Variants in TDRD3 observed in about 807,000 individuals in gnomAD.
TDRD3 encodes tudor domain-containing protein 3.
TDRD3 carries 45 observed loss-of-function variants against 86.7 expected under a neutral mutation model. That is an observed-to-expected ratio of 0.52 (90% CI 0.41 to 0.67). The LOEUF is 0.67. Ranked by LOEUF, TDRD3 falls within the 30% of genes least tolerant of loss-of-function variation. The probability of loss-of-function intolerance (pLI) is 0.00; values close to 1 mark genes in which losing one functional copy is unlikely to be tolerated. For missense variants in TDRD3, 814 were observed against 889.0 expected, an observed-to-expected ratio of 0.92 and a Z score of 1.07; for synonymous variants, 298 against 301.7, an observed-to-expected ratio of 0.99 and a Z score of 0.13.
At chr13:60,571,623 CAGTA>C (rs1042845356) in intron 13 of TDRD3, among the ~76,000 whole-genome samples, 3 of 152,162 alleles carry the variant, frequency 2.0e-5, no homozygotes, top group Admixed American at 6.5e-5. Flanking sequence ...GGTAGCTGTT[CAGTA>C]AGTGTTTATT....
chr13:60,396,992 C>T, upstream of TDRD3: 1 of 171,294 alleles, frequency 5.8e-6, no homozygotes, highest in Non-Finnish European at 1.2e-5. Context: ...TACGAAGAAC[C>T]TCCTCGCGAC....
intron 5 of TDRD3, among the ~76,000 whole-genome samples, chr13:60,474,967 T>C (rs957236087): frequency 6.6e-6 from 1 of 152,136 alleles, no homozygotes; most frequent in Non-Finnish European, 1.5e-5. Flanking sequence ...TTTTCTTAAG[T>C]GTTTTAAGGA....
At position 60,439,765 on chromosome 13, in the gene TDRD3, C is replaced by T; in HGVS notation, c.119C>T (p.Ala40Val). The T allele has an allele frequency of 2.0e-6, 3 of 1,533,762 alleles. No homozygotes were observed. Among genetic ancestry groups the T allele is most frequent in the African/African-American group, 1.4e-5 (1 of 72,398 alleles). ...KVNVNDIILI[A>V]LNTDLRTIGK... ...AATGTAAATGACATCATCCTGATTG[C>T]TCTCAATGTAGGTTATATTTATTAA... is the stretch of plus-strand genomic sequence containing the variant. The change falls in exon 2 of 14, where the codon GCT becomes GTT. Residue 40 changes from alanine to valine, a missense_variant. Ala to Val is a moderately conservative substitution (Grantham distance 64, BLOSUM62 0). Coordinates refer to ENST00000377881, the MANE Select transcript of TDRD3 (RefSeq NM_001146070.2).
In TDRD3 at chr13:60,412,312, A is replaced by C. The variant is rs551840631; in HGVS notation, c.41+14907A>C. Among the ~76,000 whole-genome samples, 3 of 152,286 alleles carry C rather than the reference A, an allele frequency of 2.0e-5. No individual in the cohort carries two copies. The South Asian group carries it at 6.2e-4, about 32-fold the overall frequency. ...AAATTTGAGTGAATTGGTGTGAGTA[A>C]ATGAGGCTCTATTTTTTTGGCCTTT... is the stretch of plus-strand genomic sequence containing the variant. On this transcript the variant is annotated intron_variant, in intron 1 of 13. Coordinates refer to ENST00000377881, the MANE Select transcript of TDRD3 (RefSeq NM_001146070.2).
At chr13:60,538,768 A>G (rs1402770793) in intron 12 of TDRD3, among the ~76,000 whole-genome samples, 1 of 152,144 alleles carries the variant, frequency 6.6e-6, no homozygotes. Context: ...GCCACAGGCA[A>G]TTTGGAGGCT....
At chr13:60,434,598 C>G (rs752606824) in intron 1 of TDRD3, among the ~76,000 whole-genome samples, 1 of 151,746 alleles carries the variant, frequency 6.6e-6, no homozygotes, top group Non-Finnish European at 1.5e-5. Context: ...TTTTAATGCC[C>G]TGCTTGTCAG....
rs1390408689 is a variant in TDRD3, at chr13:60,526,798, T to C, written c.1142-1569T>C. On this transcript the variant is annotated intron_variant, in intron 10 of 13. Transcript: ENST00000377881. The stretch of plus-strand genomic sequence containing the variant: ...AAAGCCTTTTGGCTTCTAGCTTCCA[T>C]TGGTTCGGTTGAGAATGGATTTTTT... Among the ~76,000 whole-genome samples, 5 of 152,138 alleles carry C rather than the reference T, an allele frequency of 3.3e-5. No individual in the cohort carries two copies. The East Asian group carries it at 9.6e-4, about 29-fold the overall frequency.
At chr13:60,537,276 T>G (rs1267380836) in intron 12 of TDRD3, 1 of 152,066 alleles carries the variant, frequency 6.6e-6, no homozygotes, top group Non-Finnish European at 1.5e-5. Flanking sequence ...CACATTATGA[T>G]CAGCCTTTCT....
At chr13:60,488,550 T>G (rs1276891966) in intron 7 of TDRD3, among the ~76,000 whole-genome samples, 1 of 152,124 alleles carries the variant, frequency 6.6e-6, no homozygotes, top group East Asian at 1.9e-4. Flanking sequence ...ATTTGCCCAT[T>G]TTTAAATTGG....
At chr13:60,429,992 G>A (rs1282875367) in intron 1 of TDRD3, among the ~76,000 whole-genome samples, 3 of 152,118 alleles carry the variant, frequency 2.0e-5, no homozygotes, top group Admixed American at 2.0e-4. Flanking sequence ...ATTACATGCT[G>A]TCTCCTCATT....
At chr13:60,466,126 T>C (rs1470189306) in intron 4 of TDRD3, among the ~76,000 whole-genome samples, 1 of 152,190 alleles carries the variant, frequency 6.6e-6, no homozygotes, top group African/African-American at 2.4e-5. Flanking sequence ...AAAATCCTTT[T>C]AAAGTTAGTG....
chr13:60,400,819 C>T (rs1954074592), intron 1 of TDRD3, among the ~76,000 whole-genome samples: 1 of 151,556 alleles, frequency 6.6e-6, no homozygotes, highest in Non-Finnish European at 1.5e-5. Context: ...GAAACTGAAG[C>T]ACAGAGAGTT....
At position 60,535,216 on chromosome 13, in the gene TDRD3, A is replaced by G; in HGVS notation, c.2101A>G (p.Ile701Val). Residue 701 changes from isoleucine to valine, a missense_variant, in exon 12 of 14, where the codon ATT (isoleucine) becomes GTT (valine). Physicochemically the swap from Ile to Val is conservative, Grantham distance 29. Coordinates refer to ENST00000377881, the MANE Select transcript of TDRD3 (RefSeq NM_001146070.2). The part of the protein sequence containing the change: ...EEVLLSNIKP[I>V]QTEAWEEEGT... ...GGTGCTACTGAGCAATATCAAGCCC[A>G]TTCAAACAGAGGCATGGGTACGTGA... 2 of 1,613,546 alleles carry G rather than the reference A, an allele frequency of 1.2e-6. No homozygotes were observed. The highest frequency in any genetic ancestry group is 1.7e-6 in the Non-Finnish European group (2 of 1,179,670).
intron 1 of TDRD3, among the ~76,000 whole-genome samples, chr13:60,423,024 T>C (rs981702745): frequency 3.3e-5 from 5 of 152,156 alleles, no homozygotes; most frequent in Non-Finnish European, 7.4e-5. Flanking sequence ...ATCAGATTAT[T>C]AAGATAATAA....
Position 60,537,417 on chromosome 13 carries a change from C to T in TDRD3, c.2118+2184C>T, listed in dbSNP as rs1364090995. 51 of 151,692 alleles carry T rather than the reference C, an allele frequency of 3.4e-4. 2 individuals are homozygous for T. The highest frequency in any genetic ancestry group is 3.4e-3 in the Admixed American group (51 of 15,212). 9.4% of individuals were successfully genotyped at this position (151,692 alleles called of 1,614,324 possible). A position where few individuals can be genotyped will look rare whatever the true frequency, so the allele number is the denominator to read the frequency against. ...TGTGTGCATATAGATGTAAAAAAAC[C>T]CTGAAGAAATATAGTCTGTGTTGCT... On this transcript the variant is annotated intron_variant, in intron 12 of 13. Transcript: ENST00000377881.
intron 5 of TDRD3, among the ~76,000 whole-genome samples, chr13:60,472,591 A>G (rs1440568011): frequency 6.6e-6 from 1 of 152,216 alleles, no homozygotes; most frequent in Non-Finnish European, 1.5e-5. Context: ...CATAGTTGCT[A>G]CAGAAAACAG....
At chr13:60,473,906 C>T (rs1956126606) in intron 5 of TDRD3, among the ~76,000 whole-genome samples, 1 of 152,150 alleles carries the variant, frequency 6.6e-6, no homozygotes, top group East Asian at 1.9e-4. Flanking sequence ...CGTTACTTAA[C>T]AGACCAGGAA....
chr13:60,484,866 C>T (rs1217262995), intron 6 of TDRD3: 1 of 303,542 alleles, frequency 3.3e-6, no homozygotes, highest in Non-Finnish European at 6.5e-6. Flanking sequence ...TACCCTTAAA[C>T]ATTTTGGTGA....
At chr13:60,513,792 G>A (rs1957109542) in intron 10 of TDRD3, among the ~76,000 whole-genome samples, 1 of 152,216 alleles carries the variant, frequency 6.6e-6, no homozygotes, top group Non-Finnish European at 1.5e-5. Context: ...TGCCATGATT[G>A]TGAGGCTTCC....
Sources: allele counts gnomAD v4.1 joint callset (sites outside exome capture counted in the v4.1 genomes callset), GRCh38; gene constraint gnomAD v4.1.1; transcripts MANE v1.5; gene names NCBI Gene and HGNC (gene_info 2026-07-23, HGNC 2026-07-21).